Variants in SEC24D observed in about 807,000 individuals in gnomAD.
The protein encoded by SEC24D is protein transport protein Sec24D.
In SEC24D, 69 loss-of-function variants were observed where a neutral mutation model predicts 116.9. That is an observed-to-expected ratio of 0.59 (90% CI 0.49 to 0.72). The LOEUF (loss-of-function observed/expected upper bound fraction) is 0.72. Ranked by LOEUF, SEC24D falls within the 30% of genes least tolerant of loss-of-function variation. The pLI is 0.00. For synonymous variants in SEC24D, 405 were observed against 442.8 expected, an observed-to-expected ratio of 0.91 and a Z score of 1.07; for missense variants, 1,131 against 1,264.1, an observed-to-expected ratio of 0.89 and a Z score of 1.60.
intron 22 of SEC24D, among the ~76,000 whole-genome samples, chr4:118,726,475 T>C (rs898057565): frequency 4.6e-5 from 7 of 152,184 alleles, no homozygotes; most frequent in Non-Finnish European, 1.0e-4. Flanking sequence ...GCAGTTAATA[T>C]AGACTTTTTC....
At chr4:118,791,341 A>G (rs922341710) in intron 8 of SEC24D, among the ~76,000 whole-genome samples, 1 of 152,176 alleles carries the variant, frequency 6.6e-6, no homozygotes, top group Non-Finnish European at 1.5e-5. Flanking sequence ...AGTGCTTTAG[A>G]GCACTTTAGA....
chr4:118,741,815 G>C (rs1726237371), intron 15 of SEC24D, among the ~76,000 whole-genome samples: 1 of 152,262 alleles, frequency 6.6e-6, no homozygotes, highest in African/African-American at 2.4e-5. Context: ...CATACAACTG[G>C]GTGGTGCCTG....
intron 8 of SEC24D, among the ~76,000 whole-genome samples, chr4:118,796,258 A>T (rs1176485141): frequency 6.6e-6 from 1 of 152,248 alleles, no homozygotes. Context: ...TTTAAAATGC[A>T]TGCATTGTAC....
rs201310740 is a variant in SEC24D at position 118,829,328 on chromosome 4, C to CA, written c.118+4250dup. 6.7e-4 allele frequency among the ~76,000 whole-genome samples: 101 copies of CA among 151,724 alleles called. No individual in the cohort carries two copies. The East Asian group carries it at 0.018, about 27-fold the overall frequency. On this transcript the variant is annotated intron_variant, in intron 2 of 22. Transcript: ENST00000280551. The stretch of plus-strand genomic sequence containing the variant: ...AGGAGATCGAGACAGAACTGGGCAA[C>CA]ATAGTGAGACCCCATCTCTACAAAA...
At chr4:118,734,357 C>A (rs1725849951) in intron 19 of SEC24D, among the ~76,000 whole-genome samples, 1 of 151,768 alleles carries the variant, frequency 6.6e-6, no homozygotes, top group African/African-American at 2.4e-5. Flanking sequence ...GGATTACAGG[C>A]ATGTACCACC....
intron 7 of SEC24D, among the ~76,000 whole-genome samples, chr4:118,799,561 T>C (rs1168718271): frequency 6.6e-6 from 1 of 152,210 alleles, no homozygotes; most frequent in Admixed American, 6.5e-5. Flanking sequence ...GGAATAATTA[T>C]GGCCAAAGAA....
At chr4:118,814,707 GTTAA>G (rs1181872600) in intron 6 of SEC24D, among the ~76,000 whole-genome samples, 6 of 151,782 alleles carry the variant, frequency 4.0e-5, no homozygotes, top group Non-Finnish European at 8.8e-5. Flanking sequence ...GATATAGTCT[GTTAA>G]TTACTCATTA....
chr4:118,830,031 A>C (rs1288293820), intron 2 of SEC24D, among the ~76,000 whole-genome samples: 1 of 152,248 alleles, frequency 6.6e-6, no homozygotes, highest in Non-Finnish European at 1.5e-5. Context: ...ACACAGGAAG[A>C]CTGAAGATTA....
At chr4:118,749,786 A>C (rs1460146057) in intron 13 of SEC24D, among the ~76,000 whole-genome samples, 1 of 152,188 alleles carries the variant, frequency 6.6e-6, no homozygotes, top group Non-Finnish European at 1.5e-5. Context: ...CAGCCTCTGC[A>C]TGAAACTGGC....
At chr4:118,825,350 C>A in intron 2 of SEC24D, 3 of 326,920 alleles carry the variant, frequency 9.2e-6, no homozygotes, top group Non-Finnish European at 1.8e-5. Flanking sequence ...ACCATGCTTG[C>A]TCAGACAAAA....
rs117157891 is a variant in SEC24D at position 118,815,576 on chromosome 4, G to A, written c.548C>T (p.Ala183Val). The change falls in exon 5 of 23, where the codon GCC (alanine) becomes GTC (valine). Residue 183 changes from alanine (A) to valine (V), a missense_variant. Physicochemically the swap from Ala to Val is moderately conservative, Grantham distance 64 (BLOSUM62 0). Coordinates refer to ENST00000280551, the MANE Select transcript of SEC24D (RefSeq NM_014822.4). Reference sequence around the variant, plus strand: ...GTACATTGGTAGAGGCAAAGGTGAGGCACCAGGACCATTGAGTGTGGTGGG... The same window carrying A: ...GTACATTGGTAGAGGCAAAGGTGAGACACCAGGACCATTGAGTGTGGTGGG... ...PPPTTLNGPGASPLPLPMYRP... is the reference protein window; with the variant it reads ...PPPTTLNGPGVSPLPLPMYRP... 1.2e-6 allele frequency: 2 copies of A among 1,614,202 alleles called. No homozygotes were observed. The highest frequency in any genetic ancestry group is 2.2e-5 in the East Asian group (1 of 44,868).
At chr4:118,815,778 T>G in intron 4 of SEC24D, 52 bp from the exon 5 acceptor site, 3 of 1,584,786 alleles carry the variant, frequency 1.9e-6, no homozygotes, top group Non-Finnish European at 2.6e-6. Flanking sequence ...CTCAACTCTC[T>G]GACTTCTGCA....
chr4:118,742,037 C>T (rs1726245868), intron 15 of SEC24D, among the ~76,000 whole-genome samples: 2 of 152,076 alleles, frequency 1.3e-5, no homozygotes, highest in South Asian at 4.2e-4. Context: ...ACTGGCTTTT[C>T]CTCTGCTGCA....
intron 13 of SEC24D, among the ~76,000 whole-genome samples, chr4:118,750,488 G>C (rs559415029): frequency 6.6e-6 from 1 of 152,180 alleles, no homozygotes; most frequent in South Asian, 2.1e-4. Flanking sequence ...TCTCTTAATT[G>C]GTGAAATATT....
At chr4:118,828,398 C>T (rs985468108) in intron 2 of SEC24D, among the ~76,000 whole-genome samples, 15 of 152,256 alleles carry the variant, frequency 9.9e-5, no homozygotes, top group Middle Eastern at 3.4e-3. Flanking sequence ...CGTGAGCCAC[C>T]GCACCCGGCC....
chr4:118,782,567 TGAG>T (rs1397760748), intron 8 of SEC24D, among the ~76,000 whole-genome samples: 1 of 152,204 alleles, frequency 6.6e-6, no homozygotes, highest in Non-Finnish European at 1.5e-5. Flanking sequence ...GGGACCCACA[TGAG>T]GAGGCAGTCT....
At chr4:118,755,987 G>A (rs1304393077) in intron 11 of SEC24D, among the ~76,000 whole-genome samples, 1 of 152,136 alleles carries the variant, frequency 6.6e-6, no homozygotes, top group East Asian at 1.9e-4. Context: ...CCAAAGGAAA[G>A]AGTATGATTT....
rs1482587730 is a variant in SEC24D, at chr4:118,824,836, TGGA to T, written c.119-90_119-88del. ...CATTAGGTTAAAAATGAGAACTAGGTGGAGGAGGAGGGAAACAAATGGATTAGA... is the reference window on the plus strand; with the variant it reads ...CATTAGGTTAAAAATGAGAACTAGGTGGAGGAGGGAAACAAATGGATTAGA... On this transcript the variant is annotated intron_variant, in intron 2 of 22. Coordinates refer to ENST00000280551, the MANE Select transcript of SEC24D (RefSeq NM_014822.4). The T allele has an allele frequency of 4.0e-6, 5 of 1,253,902 alleles. No individual in the cohort carries two copies. The East Asian group carries it at 1.0e-4, about 26-fold the overall frequency. 77.7% of individuals were successfully genotyped at this position (1,253,902 alleles called of 1,614,324 possible). A position where few individuals can be genotyped will look rare whatever the true frequency, so the allele number is the denominator to read the frequency against.
At chr4:118,794,690 T>C (rs1213849392) in intron 8 of SEC24D, among the ~76,000 whole-genome samples, 1 of 152,160 alleles carries the variant, frequency 6.6e-6, no homozygotes, top group Non-Finnish European at 1.5e-5. Context: ...AGAAAAGCTG[T>C]GGGGATGGTT....
Sources: gnomAD v4.1 joint callset for allele counts (sites outside exome capture counted in the v4.1 genomes callset) on GRCh38, gnomAD v4.1.1 for gene constraint, MANE v1.5 for transcripts, NCBI Gene and HGNC (gene_info 2026-07-23, HGNC 2026-07-21) for gene names.